Variants in SPIN1 observed in about 807,000 individuals in gnomAD.
The protein encoded by SPIN1 is spindlin 1.
Under a neutral mutation model 26.0 loss-of-function variants are expected in SPIN1, and 3 were observed. That is an observed-to-expected ratio of 0.12 (90% confidence interval 0.05 to 0.30). The LOEUF (loss-of-function observed/expected upper bound fraction) is 0.30, where lower values mean the gene tolerates loss of function less well. SPIN1 is among the 10% of genes least tolerant of loss of function. The pLI is 1.00. For synonymous variants in SPIN1, 101 were observed against 116.5 expected (o/e 0.87, Z 0.86); for missense variants, 126 against 333.4 (o/e 0.38, Z 4.84).
At chr9:88,472,600 C>T (rs985192506) in intron 5 of SPIN1, among the ~76,000 whole-genome samples, 3 of 152,150 alleles carry the variant, frequency 2.0e-5, no homozygotes, top group Non-Finnish European at 4.4e-5. Flanking sequence ...TCAGGCAATT[C>T]GTCTACCTCA....
Position 88,475,750 on chromosome 9 carries a change from ACACACACCC to A in SPIN1, c.*477_*485del, listed in dbSNP as rs920536862. ...AGTGTACACACACACACCACACACC[ACACACACCC>A]CACTGGCAGTCTTTGTGGATTAGGA... On this transcript the variant is annotated 3_prime_UTR_variant, in exon 6 of 6. Coordinates refer to ENST00000375859, the MANE Select transcript of SPIN1 (RefSeq NM_006717.3). The A allele has an allele frequency of 2.0e-5, 3 of 152,920 alleles. No homozygotes were observed. The highest frequency in any genetic ancestry group is 6.5e-5 in the Admixed American group (1 of 15,404). The allele number at this position is 152,920 out of a possible 1,614,324, so 9.5% of individuals were successfully genotyped here.
intron 3 of SPIN1, among the ~76,000 whole-genome samples, chr9:88,458,360 A>G (rs1365433104): frequency 3.3e-5 from 5 of 152,216 alleles, no homozygotes; most frequent in African/African-American, 1.2e-4. Flanking sequence ...AGGGAGGAAT[A>G]TGCATTCCCA....
chr9:88,410,318 C>T (rs1487492406), intron 1 of SPIN1, among the ~76,000 whole-genome samples: 2 of 151,930 alleles, frequency 1.3e-5, no homozygotes, highest in African/African-American at 4.8e-5. Context: ...AACAAAAGAA[C>T]AGAAACTAAA....
At chr9:88,397,571 G>T (rs1174891466) in intron 1 of SPIN1, among the ~76,000 whole-genome samples, 1 of 151,612 alleles carries the variant, frequency 6.6e-6, no homozygotes, top group African/African-American at 2.4e-5. Context: ...ATAAGATAAA[G>T]AGATTGGACT....
At chr9:88,414,287 C>T (rs1478074207) in intron 1 of SPIN1, among the ~76,000 whole-genome samples, 2 of 152,194 alleles carry the variant, frequency 1.3e-5, no homozygotes, top group South Asian at 2.1e-4. Flanking sequence ...TCCTGGGGCT[C>T]AGAGCCCCAA....
Position 88,426,481 on chromosome 9 carries a change from G to A in SPIN1, c.-59G>A. ...ACATTCTGTGAAAAGTTTCAAATTG[G>A]AGAATATTGAATTTTCACCCTAGTC... On this transcript the variant is annotated 5_prime_UTR_variant, in exon 2 of 6. Transcript: ENST00000375859. The A allele has an allele frequency of 7.2e-7, 1 of 1,395,414 alleles. No homozygotes were observed. Among genetic ancestry groups the A allele is most frequent in the Admixed American group, 1.8e-5 (1 of 55,266 alleles). 86.4% of individuals were successfully genotyped at this position (1,395,414 alleles called of 1,614,324 possible).
chr9:88,459,278 T>C (rs1828531182), intron 3 of SPIN1, among the ~76,000 whole-genome samples: 1 of 152,182 alleles, frequency 6.6e-6, no homozygotes, highest in Non-Finnish European at 1.5e-5. Context: ...AAAGTATTGC[T>C]ACAAAGGATT....
intron 5 of SPIN1, among the ~76,000 whole-genome samples, chr9:88,470,522 A>G (rs1828759573): frequency 6.6e-6 from 1 of 152,130 alleles, no homozygotes; most frequent in Non-Finnish European, 1.5e-5. Flanking sequence ...GTGAAGTGGT[A>G]TCTCATTGTG....
chr9:88,390,769 A>G lies in SPIN1; in HGVS notation c.-159+2231A>G, dbSNP rs367711749. On this transcript the variant is annotated intron_variant, in intron 1 of 5. Transcript: ENST00000375859. ...GACATGGAATCACAATGGCCTTCCA[A>G]GTCAGAACAGTCTGGGTTGAAATTG... Among the ~76,000 whole-genome samples, 9 of 152,344 alleles carry G rather than the reference A, an allele frequency of 5.9e-5. No individual in the cohort carries two copies. In the East Asian group the frequency reaches 1.3e-3, roughly 23 times the overall value.
intron 1 of SPIN1, among the ~76,000 whole-genome samples, chr9:88,408,529 A>G (rs28464980): frequency 0.19 from 28,982 of 150,938 alleles, 3,663 homozygotes; most frequent in African/African-American, 0.36. Context: ...GGTGCCCGCC[A>G]CCAGGCCTCA....
At chr9:88,432,546 G>A (rs1002306687) in intron 2 of SPIN1, among the ~76,000 whole-genome samples, 32 of 151,074 alleles carry the variant, frequency 2.1e-4, no homozygotes, top group African/African-American at 7.3e-4. Context: ...GTGCAGTGGC[G>A]CGATCTCGGC....
chr9:88,408,675 CTT>C (rs773420022), intron 1 of SPIN1, among the ~76,000 whole-genome samples: 22 of 128,788 alleles, frequency 1.7e-4, no homozygotes, highest in Admixed American at 2.4e-4. Flanking sequence ...ATGCCTGGCC[CTT>C]TTTTTTTTTT....
intron 2 of SPIN1, among the ~76,000 whole-genome samples, chr9:88,440,385 C>T (rs909109974): frequency 6.6e-6 from 1 of 152,114 alleles, no homozygotes; most frequent in Non-Finnish European, 1.5e-5. Flanking sequence ...TCTCGGACTC[C>T]TGAGCTCAAG....
intron 1 of SPIN1, chr9:88,410,668 G>A (rs1827424670): frequency 7.7e-7 from 1 of 1,305,760 alleles, no homozygotes; most frequent in Non-Finnish European, 1.1e-6. Context: ...TCCTTCCTTC[G>A]TGGGTCCAAA....
At chr9:88,441,414 T>TGTGTGTGTGTGTGTGTGTGCGCGCGC in intron 2 of SPIN1, among the ~76,000 whole-genome samples, 1 of 141,270 alleles carries the variant, frequency 7.1e-6, no homozygotes, top group African/African-American at 2.9e-5. Context: ...TGTGTGTGTG[T>TGTGTGTGTGTGTGTGTGTGCGCGCGC]GCGCGCGCGC....
At chr9:88,474,886 A>G (rs933219865) in intron 5 of SPIN1, among the ~76,000 whole-genome samples, 192 bp from the exon 6 acceptor site, 5 of 152,166 alleles carry the variant, frequency 3.3e-5, no homozygotes, top group African/African-American at 1.2e-4. Flanking sequence ...ATATGACCCT[A>G]AGCCTGAAAT....
At chr9:88,415,889 G>A (rs1397755280) in intron 1 of SPIN1, among the ~76,000 whole-genome samples, 4 of 150,990 alleles carry the variant, frequency 2.6e-5, no homozygotes, top group Non-Finnish European at 5.9e-5. Context: ...GACTACAGGC[G>A]CCAGCCACCA....
chr9:88,448,458 C>G (rs986537416), intron 2 of SPIN1, among the ~76,000 whole-genome samples: 1 of 152,078 alleles, frequency 6.6e-6, no homozygotes, highest in Non-Finnish European at 1.5e-5. Flanking sequence ...CTCAAGCACT[C>G]CCCCCACCTC....
chr9:88,475,912 G>A lies in SPIN1; in HGVS notation c.*635G>A, dbSNP rs750748323. The A allele has an allele frequency of 4.7e-5, 7 of 150,154 alleles. No homozygotes were observed. The highest frequency in any genetic ancestry group is 8.9e-5 in the Non-Finnish European group (6 of 67,792). 9.3% of individuals were successfully genotyped at this position (150,154 alleles called of 1,614,324 possible). ...GGAACCATATGGGAACATTCAGCTTGTTTAAAAAAAAAAAATCAGAAGTTC... is the reference window on the plus strand; with the variant it reads ...GGAACCATATGGGAACATTCAGCTTATTTAAAAAAAAAAAATCAGAAGTTC... On this transcript the variant is annotated 3_prime_UTR_variant, in exon 6 of 6. Transcript: ENST00000375859.
Sources: gnomAD v4.1 joint callset for allele counts (sites outside exome capture counted in the v4.1 genomes callset) on GRCh38, gnomAD v4.1.1 for gene constraint, MANE v1.5 for transcripts, NCBI Gene and HGNC (gene_info 2026-07-23, HGNC 2026-07-21) for gene names.